The following DZIP1L variants were observed in gnomAD, a reference collection of about 807,000 sequenced individuals.
DZIP1L encodes DAZ interacting zinc finger protein 1 like.
Under a neutral mutation model 88.7 loss-of-function variants are expected in DZIP1L, and 90 were observed. That is an observed-to-expected ratio of 1.02 (90% CI 0.86 to 1.21). The LOEUF (loss-of-function observed/expected upper bound fraction) is 1.21. Among genes scored for constraint, DZIP1L ranks in the 50% most tolerant of loss-of-function variants. The pLI, the probability that DZIP1L is intolerant of heterozygous loss-of-function variation, is 0.00. For synonymous variants in DZIP1L, 363 were observed against 372.1 expected (o/e 0.98, Z 0.28); for missense variants, 932 against 955.8 (o/e 0.98, Z 0.33).
At chr3:138,089,120 C>T in intron 5 of DZIP1L, 2 of 985,436 alleles carry the variant, frequency 2.0e-6, no homozygotes, top group Non-Finnish European at 2.4e-6. Context: ...ATATTTCTAT[C>T]TGTATGACTG....
intron 1 of DZIP1L, among the ~76,000 whole-genome samples, chr3:138,112,952 AAAAG>A (rs1698851265): frequency 6.6e-6 from 1 of 152,236 alleles, no homozygotes; most frequent in Non-Finnish European, 1.5e-5. Flanking sequence ...GTCTCAAAAA[AAAAG>A]AGAGAGAAGA....
At chr3:138,081,685 CAG>C in intron 9 of DZIP1L, 47 bp downstream of exon 9, 1 of 1,575,678 alleles carries the variant, frequency 6.3e-7, no homozygotes. Context: ...GGAGAAAAGC[CAG>C]AGACAATAGT....
chr3:138,104,213 C>T (rs1178065914), intron 1 of DZIP1L, among the ~76,000 whole-genome samples, 161 bp from the exon 2 acceptor site: 1 of 152,250 alleles, frequency 6.6e-6, no homozygotes, highest in East Asian at 1.9e-4. Context: ...GGAAAGAAAA[C>T]ATGGGCTTTG....
rs1197199989 is a variant in DZIP1L, at chr3:138,062,640, G to A, written c.*176C>T. ...GGCACCTGTGGCCATCTACAGCAGG[G>A]CCCCTCACAGGTCAGGAGGGATGAG... is the stretch of plus-strand genomic sequence containing the variant. On this transcript the variant is annotated 3_prime_UTR_variant, in exon 16 of 16. Transcript: ENST00000327532. The A allele has an allele frequency of 5.8e-6, 4 of 689,106 alleles. No individual in the cohort carries two copies. The highest frequency in any genetic ancestry group is 5.8e-5 in the Admixed American group (2 of 34,290). The allele number at this position is 689,106 out of a possible 1,614,324, so 42.7% of individuals were successfully genotyped here.
chr3:138,071,534 T>G, intron 12 of DZIP1L, 109 bp downstream of exon 12: 3 of 1,258,502 alleles, frequency 2.4e-6, no homozygotes, highest in Non-Finnish European at 2.1e-6. Flanking sequence ...TTCAGAGAAG[T>G]GCCCCTAATG....
chr3:138,098,980 T>C (rs1944604009), intron 2 of DZIP1L, among the ~76,000 whole-genome samples: 1 of 151,988 alleles, frequency 6.6e-6, no homozygotes, highest in Admixed American at 6.6e-5. Context: ...ACCCTGTCTC[T>C]AAAAAAATTA....
chr3:138,088,416 C>T lies in DZIP1L; in HGVS notation c.962G>A (p.Arg321Gln), dbSNP rs1383386156. The stretch of plus-strand genomic sequence containing the variant: ...CTTCTCTCTCAGGGCCTGAAGCTCC[C>T]GTGCCTGCCGAAGCCACTCCTCTGA... ...EESEEWLRQA[R>Q]ELQALREKTE... Residue 321 changes from arginine (R) to glutamine (Q), a missense_variant, in exon 6 of 16, where the codon CGG (arginine) becomes CAG (glutamine). Coordinates refer to ENST00000327532, the MANE Select transcript of DZIP1L (RefSeq NM_173543.3). The T allele has an allele frequency of 1.9e-6, 3 of 1,613,550 alleles. No homozygotes were observed. The highest frequency in any genetic ancestry group is 1.3e-5 in the African/African-American group (1 of 74,906).
chr3:138,066,567 C>T (rs1559820846), intron 14 of DZIP1L, among the ~76,000 whole-genome samples: 1 of 152,102 alleles, frequency 6.6e-6, no homozygotes, highest in Non-Finnish European at 1.5e-5. Flanking sequence ...GGCTTAGTTT[C>T]AACTTCTGTC....
Position 138,103,942 on chromosome 3 carries a change from G to A in DZIP1L, c.30C>T (p.Gly10=). ...AGGCCCCAAAGAGGGGGCCACTGAG[G>A]CCCTCAGCAGTGGCAGCTGGGGACT... The part of the protein sequence containing the change: MQSPAATAE[G]LSGPLFGAYT... The change falls in exon 2 of 16, where the codon GGC becomes GGT. Residue 10 remains glycine, a synonymous_variant. Transcript: ENST00000327532. 1 of 1,612,916 alleles carries A rather than the reference G, an allele frequency of 6.2e-7. No homozygotes were observed.
rs767539998 is a variant in DZIP1L, at chr3:138,084,186, G to A, written c.1130C>T (p.Ser377Phe). ...ACGGAGGGTGCTGATCTGGCACTGG[G>A]ACTGGGCAGCTGCCTTCTTCTGATC... is the stretch of plus-strand genomic sequence containing the variant. Reference protein sequence around the residue: ...SQDQKKAAAQSQCQISTLRAQ... With the variant: ...SQDQKKAAAQFQCQISTLRAQ... The change falls in exon 8 of 16, where the codon TCC (serine) becomes TTC (phenylalanine). Residue 377 changes from serine (S) to phenylalanine (F), a missense_variant. Physicochemically the swap from Ser to Phe is radical, Grantham distance 155 (BLOSUM62 -2). Coordinates refer to ENST00000327532, the MANE Select transcript of DZIP1L (RefSeq NM_173543.3). 3.1e-6 allele frequency: 5 copies of A among 1,614,082 alleles called. No individual in the cohort carries two copies. Among genetic ancestry groups the A allele is most frequent in the Admixed American group, 3.3e-5 (2 of 60,010 alleles).
In DZIP1L at chr3:138,095,032, A is replaced by T. The variant is rs1252643663; in HGVS notation, c.587-49T>A. 3 of 1,612,230 alleles carry T rather than the reference A, an allele frequency of 1.9e-6. No individual in the cohort carries two copies. In the African/African-American group the frequency reaches 4.0e-5, roughly 22 times the overall value. ...GTGACCAGTTTAAGTCCAAAAATCAAGGGAGTGTAGTTTCTCACCTTGTCA... is the reference window on the plus strand; with the variant it reads ...GTGACCAGTTTAAGTCCAAAAATCATGGGAGTGTAGTTTCTCACCTTGTCA... On this transcript the variant is annotated intron_variant, in intron 3 of 15. Transcript: ENST00000327532.
At chr3:138,088,975 C>T (rs1227009088) in intron 5 of DZIP1L, 11 of 985,388 alleles carry the variant, frequency 1.1e-5, no homozygotes, top group Non-Finnish European at 1.3e-5. Context: ...GTCATCAATA[C>T]CTAGTGATTC....
chr3:138,104,130 T>A (rs1441532176), intron 1 of DZIP1L, 78 bp from the exon 2 acceptor site: 4 of 1,349,700 alleles, frequency 3.0e-6, no homozygotes, highest in Non-Finnish European at 3.9e-6. Context: ...AGCAAGGGCC[T>A]AAGCGGGGCA....
chr3:138,086,846 C>T, intron 7 of DZIP1L, 115 bp downstream of exon 7: 2 of 1,111,990 alleles, frequency 1.8e-6, no homozygotes, highest in Non-Finnish European at 2.7e-6. Context: ...CAGCATCTGC[C>T]AACCAGTTCC....
intron 11 of DZIP1L, among the ~76,000 whole-genome samples, chr3:138,073,300 C>G (rs1253227895): frequency 6.6e-6 from 1 of 152,094 alleles, no homozygotes; most frequent in African/African-American, 2.4e-5. Context: ...AAACAAGGAC[C>G]CTCAAGAGTC....
intron 3 of DZIP1L, among the ~76,000 whole-genome samples, chr3:138,096,278 G>A (rs959559730): frequency 4.6e-5 from 7 of 152,074 alleles, no homozygotes; most frequent in Non-Finnish European, 7.3e-5. Flanking sequence ...AGCACTTTAC[G>A]TTAAGGAAAT....
intron 12 of DZIP1L, chr3:138,069,064 G>A: frequency 1.7e-6 from 2 of 1,160,336 alleles, no homozygotes; most frequent in Non-Finnish European, 2.3e-6. Flanking sequence ...AAACAACGTG[G>A]GGTTGAACAG....
rs1272071881 is a variant in DZIP1L, at chr3:138,062,922, T to G, written c.2198A>C (p.Asp733Ala). ...EISSLEDLPL[D>A]LDQREKPKPL... ...CTTGGGTTTCTCTCTCTGGTCCAGG[T>G]CCAGAGGAAGATCTTCCAAGGAGGA... is the stretch of plus-strand genomic sequence containing the variant. The change falls in exon 16 of 16, where the codon GAC (aspartate) becomes GCC (alanine). Residue 733 changes from aspartate (D) to alanine (A), a missense_variant. Transcript: ENST00000327532. The G allele has an allele frequency of 6.2e-7, 1 of 1,614,144 alleles. No homozygotes were observed. Among genetic ancestry groups the G allele is most frequent in the Non-Finnish European group, 8.5e-7 (1 of 1,180,010 alleles).
intron 15 of DZIP1L, 90 bp downstream of exon 15, chr3:138,064,538 G>T (rs1051081203): frequency 3.0e-5 from 49 of 1,613,096 alleles, no homozygotes; most frequent in Non-Finnish European, 4.1e-5. Flanking sequence ...CACTTGCTGG[G>T]CCCTCCCCAA....
Sources: gnomAD v4.1 joint callset for allele counts (sites outside exome capture counted in the v4.1 genomes callset) on GRCh38, gnomAD v4.1.1 for gene constraint, MANE v1.5 for transcripts, NCBI Gene and HGNC (gene_info 2026-07-23, HGNC 2026-07-21) for gene names.